The following SLC35F3 variants were observed in gnomAD, a reference collection of about 807,000 sequenced individuals.
SLC35F3 encodes solute carrier family 35 member F3, also known as putative thiamine transporter SLC35F3.
In SLC35F3, 25 loss-of-function variants were observed where a neutral mutation model predicts 49.9. The ratio of observed to expected loss-of-function variants is 0.50; its 90% CI spans 0.37 to 0.70. SLC35F3 has a LOEUF of 0.70. SLC35F3 is among the 30% of genes least tolerant of loss of function. The pLI, the probability that SLC35F3 is intolerant of heterozygous loss-of-function variation, is 0.00. For synonymous variants in SLC35F3, 275 were observed against 265.4 expected (o/e 1.04, Z -0.35); for missense variants, 525 against 639.8 (o/e 0.82, Z 1.94).
chr1:234,194,465 A>G (rs1355795971), intron 2 of SLC35F3, among the ~76,000 whole-genome samples: 3 of 152,172 alleles, frequency 2.0e-5, no homozygotes, highest in Non-Finnish European at 4.4e-5. Flanking sequence ...GAGGAGGGTG[A>G]GGGATAAAAG....
At chr1:234,021,201 A>G (rs139318820) in intron 2 of SLC35F3, among the ~76,000 whole-genome samples, 2 of 152,266 alleles carry the variant, frequency 1.3e-5, no homozygotes, top group East Asian at 3.9e-4. Context: ...GACCTTGCAC[A>G]ACCAGGTCAC....
chr1:234,276,962 G>C (rs553212962), intron 3 of SLC35F3, among the ~76,000 whole-genome samples: 2 of 152,242 alleles, frequency 1.3e-5, no homozygotes, highest in Admixed American at 1.3e-4. Flanking sequence ...AGGGGCTGAT[G>C]TGGGCACCCA....
intron 3 of SLC35F3, among the ~76,000 whole-genome samples, chr1:234,295,315 G>A (rs1558101586): frequency 6.6e-6 from 1 of 152,220 alleles, no homozygotes; most frequent in East Asian, 1.9e-4. Context: ...AATATCTGTG[G>A]GGTAGCTCTG....
intron 3 of SLC35F3, among the ~76,000 whole-genome samples, chr1:234,292,236 C>A (rs1668520951): frequency 6.6e-6 from 1 of 152,294 alleles, no homozygotes; most frequent in Admixed American, 6.5e-5. Context: ...CTCTTGCAAA[C>A]CTGGCTAAGG....
chr1:233,959,173 A>C (rs1033317391), intron 2 of SLC35F3, among the ~76,000 whole-genome samples: 5 of 151,896 alleles, frequency 3.3e-5, no homozygotes, highest in African/African-American at 1.2e-4. Flanking sequence ...TTTCCTAATC[A>C]CCTAATTTAT....
At chr1:234,203,173 TC>T (rs1236460043) in intron 2 of SLC35F3, among the ~76,000 whole-genome samples, 1 of 152,234 alleles carries the variant, frequency 6.6e-6, no homozygotes, top group African/African-American at 2.4e-5. Flanking sequence ...ATGGGAGTGA[TC>T]ATTTACTTTT....
chr1:234,160,669 T>TA (rs1190282585), intron 2 of SLC35F3, among the ~76,000 whole-genome samples: 2 of 152,154 alleles, frequency 1.3e-5, no homozygotes, highest in Non-Finnish European at 2.9e-5. Context: ...TTGAGGCTCT[T>TA]GGTCCCAGCT....
intron 2 of SLC35F3, among the ~76,000 whole-genome samples, chr1:234,115,078 C>A (rs915007714): frequency 3.3e-5 from 5 of 152,122 alleles, no homozygotes; most frequent in Non-Finnish European, 7.4e-5. Context: ...GGTTTCTGTT[C>A]CTCCAAGGAA....
Position 234,165,683 on chromosome 1 carries a change from G to T in SLC35F3, c.284-65734G>T, listed in dbSNP as rs563170970. ...TTACAGGCATGAGCCACCACACCTG[G>T]CTCATTCTTTTTTCTTTTTAATTTT... is the stretch of plus-strand genomic sequence containing the variant. On this transcript the variant is annotated intron_variant, in intron 2 of 7. Transcript: ENST00000366618. Among the ~76,000 whole-genome samples the T allele has an allele frequency of 1.3e-3, 193 of 152,172 alleles. 1 individual carries two copies. Among genetic ancestry groups the T allele is most frequent in the Non-Finnish European group, 2.4e-3 (165 of 68,004 alleles).
intron 2 of SLC35F3, among the ~76,000 whole-genome samples, chr1:233,970,175 G>A (rs984144241): frequency 6.6e-6 from 1 of 152,196 alleles, no homozygotes; most frequent in Non-Finnish European, 1.5e-5. Flanking sequence ...TGGGACTGGT[G>A]CACCACTAAT....
intron 2 of SLC35F3, among the ~76,000 whole-genome samples, chr1:234,230,754 T>TA (rs1274711963): frequency 2.0e-5 from 3 of 152,218 alleles, no homozygotes; most frequent in Admixed American, 1.3e-4. Context: ...TTGTGGTTTT[T>TA]AAGTAAAGCT....
chr1:234,228,636 T>C (rs991609247), intron 2 of SLC35F3, among the ~76,000 whole-genome samples: 2 of 152,152 alleles, frequency 1.3e-5, no homozygotes, highest in Non-Finnish European at 2.9e-5. Context: ...GTTAAATAAA[T>C]GAAAGATAAA....
intron 2 of SLC35F3, among the ~76,000 whole-genome samples, chr1:234,021,095 C>T (rs536067200): frequency 3.9e-5 from 6 of 152,260 alleles, no homozygotes; most frequent in African/African-American, 1.4e-4. Context: ...ATCAGACCAC[C>T]TACCCTAAAA....
At chr1:234,322,902 C>T (rs1657660076) in intron 7 of SLC35F3, 106 bp from the exon 8 acceptor site, 1 of 934,768 alleles carries the variant, frequency 1.1e-6, no homozygotes, top group African/African-American at 1.6e-5. Flanking sequence ...CCAGGGAAGA[C>T]CACAACACTG....
At chr1:233,984,215 C>T (rs1663230798) in intron 2 of SLC35F3, among the ~76,000 whole-genome samples, 1 of 152,160 alleles carries the variant, frequency 6.6e-6, no homozygotes, top group African/African-American at 2.4e-5. Flanking sequence ...ATGAATATTC[C>T]TGCACTGCTG....
At chr1:234,225,020 G>A (rs537344803) in intron 2 of SLC35F3, among the ~76,000 whole-genome samples, 12 of 152,280 alleles carry the variant, frequency 7.9e-5, no homozygotes, top group East Asian at 3.9e-4. Context: ...GGCTTCGGCC[G>A]CATGTGAATG....
chr1:234,119,505 C>T (rs563342781), intron 2 of SLC35F3, among the ~76,000 whole-genome samples: 3 of 152,150 alleles, frequency 2.0e-5, no homozygotes, highest in African/African-American at 7.2e-5. Context: ...CCATTCATAA[C>T]GGTAGCATCA....
At chr1:234,072,876 G>C (rs935629096) in intron 2 of SLC35F3, among the ~76,000 whole-genome samples, 2 of 152,168 alleles carry the variant, frequency 1.3e-5, no homozygotes, top group South Asian at 2.1e-4. Flanking sequence ...ACCCTGGAAG[G>C]CTTTGATTAG....
In SLC35F3 at chr1:234,284,157, G is replaced by C. The variant is rs1668373229; in HGVS notation, c.609-24944G>C. On this transcript the variant is annotated intron_variant, in intron 3 of 7. Transcript: ENST00000366618. ...CGGGCTCAAGCAATCCTCCCACCTT[G>C]GCCTCCCAAAGTGTTGGGATTATAG... Among the ~76,000 whole-genome samples the C allele has an allele frequency of 1.3e-5, 2 of 152,110 alleles. 1 individual carries two copies. Among genetic ancestry groups the C allele is most frequent in the East Asian group, 3.9e-4 (2 of 5,190 alleles).
Sources: gnomAD v4.1 joint callset for allele counts (sites outside exome capture counted in the v4.1 genomes callset) on GRCh38, gnomAD v4.1.1 for gene constraint, MANE v1.5 for transcripts, NCBI Gene and HGNC (gene_info 2026-07-23, HGNC 2026-07-21) for gene names.